MAST4: variants seen among roughly 807,000 people sequenced by gnomAD.
MAST4 encodes microtubule-associated serine/threonine-protein kinase 4.
In MAST4, 89 loss-of-function variants were observed where a neutral mutation model predicts 162.7. That is an observed-to-expected ratio of 0.55 (90% CI 0.46 to 0.65). The LOEUF (loss-of-function observed/expected upper bound fraction) is 0.65, where lower values mean the gene tolerates loss of function less well. Among genes scored for constraint, MAST4 ranks in the 30% least tolerant of loss-of-function variants. The probability of loss-of-function intolerance (pLI) is 0.00; values close to 1 mark genes in which losing one functional copy is unlikely to be tolerated. For missense variants in MAST4, 3,153 were observed against 3,374.0 expected, an observed-to-expected ratio of 0.93 and a Z score of 1.62; for synonymous variants, 1,479 against 1,361.1, an observed-to-expected ratio of 1.09 and a Z score of -1.91.
At chr5:67,049,839 G>A (rs368272175) in intron 4 of MAST4, among the ~76,000 whole-genome samples, 1 of 152,100 alleles carries the variant, frequency 6.6e-6, no homozygotes, top group African/African-American at 2.4e-5. Context: ...AAATTAAGTT[G>A]GATTTCAGCT....
At chr5:66,653,707 C>A (rs549674771) in intron 1 of MAST4, among the ~76,000 whole-genome samples, 90 of 152,300 alleles carry the variant, frequency 5.9e-4, no homozygotes, top group African/African-American at 2.1e-3. Context: ...TCTTCTCCAG[C>A]CCTAATTTAA....
chr5:66,681,278 G>T (rs528593966), intron 1 of MAST4, among the ~76,000 whole-genome samples: 1 of 152,116 alleles, frequency 6.6e-6, no homozygotes, highest in Non-Finnish European at 1.5e-5. Flanking sequence ...TTTGCCTCAG[G>T]CCCTGTAACT....
chr5:66,662,241 A>G (rs1447782984), intron 1 of MAST4: 4 of 151,534 alleles, frequency 2.6e-5, no homozygotes, highest in Non-Finnish European at 4.4e-5. Context: ...CACACACAAC[A>G]CTCTTTGGAC....
intron 18 of MAST4, 35 bp downstream of exon 18, chr5:67,134,723 T>C (rs771866133): frequency 1.3e-6 from 2 of 1,548,226 alleles, no homozygotes; most frequent in Non-Finnish European, 1.8e-6. Context: ...TAGGTCACTG[T>C]TGGGAAGCAG....
intron 1 of MAST4, among the ~76,000 whole-genome samples, chr5:66,684,954 C>T (rs1454216211): frequency 6.6e-6 from 1 of 152,030 alleles, no homozygotes; most frequent in Non-Finnish European, 1.5e-5. Context: ...TGGGGTTGGG[C>T]ATGAGTATTT....
chr5:66,870,875 G>C (rs1300788648), intron 3 of MAST4: 1 of 471,248 alleles, frequency 2.1e-6, no homozygotes, highest in Non-Finnish European at 4.4e-6. Flanking sequence ...TGTTGCCCTG[G>C]GCAACGGGTG....
rs200305893 is a variant in MAST4, at chr5:66,759,800, A to C, written c.455A>C (p.Lys152Thr). Reference sequence around the variant, plus strand: ...GGCCCTGGAAAATCACTGAAGTATAAAAGACAGCTGAGTGAGGATGGAAGA... The same window carrying C: ...GGCCCTGGAAAATCACTGAAGTATACAAGACAGCTGAGTGAGGATGGAAGA... Reference protein sequence around the residue: ...ASGPGKSLKYKRQLSEDGRQL... With the variant: ...ASGPGKSLKYTRQLSEDGRQL... The change falls in exon 2 of 29, where the codon AAA (lysine) becomes ACA (threonine). Residue 152 changes from lysine (K) to threonine (T), a missense_variant. By Grantham distance (78) the Lys-to-Thr change is moderately conservative. Transcript: ENST00000403625. 86 of 1,613,824 alleles carry C rather than the reference A, an allele frequency of 5.3e-5. 1 individual carries two copies. The African/African-American group carries it at 1.1e-3, about 21-fold the overall frequency.
chr5:66,687,595 T>C (rs1748759615), intron 1 of MAST4, among the ~76,000 whole-genome samples: 1 of 150,754 alleles, frequency 6.6e-6, no homozygotes. Context: ...TATATATACA[T>C]ACATATATAC....
chr5:67,014,265 T>C (rs946752644), intron 4 of MAST4, among the ~76,000 whole-genome samples: 1 of 152,208 alleles, frequency 6.6e-6, no homozygotes, highest in Non-Finnish European at 1.5e-5. Context: ...AAACAATTGA[T>C]AGGCACATCA....
At chr5:66,833,135 A>C (rs866310861) in intron 3 of MAST4, among the ~76,000 whole-genome samples, 11 of 152,320 alleles carry the variant, frequency 7.2e-5, no homozygotes, top group Middle Eastern at 3.4e-3. Context: ...AAAATAAACA[A>C]ATTTGTTTAC....
chr5:66,681,044 T>C (rs1457441354), intron 1 of MAST4, among the ~76,000 whole-genome samples: 2 of 152,212 alleles, frequency 1.3e-5, no homozygotes, highest in African/African-American at 4.8e-5. Flanking sequence ...ATTAACAATA[T>C]GATACCACTC....
intron 3 of MAST4, among the ~76,000 whole-genome samples, chr5:66,841,433 A>G (rs544470983): frequency 1.3e-5 from 2 of 152,314 alleles, no homozygotes; most frequent in Admixed American, 1.3e-4. Context: ...TGCTCTAACA[A>G]AATGGCATAG....
chr5:66,948,900 A>G (rs547177473), intron 4 of MAST4, among the ~76,000 whole-genome samples: 1 of 152,260 alleles, frequency 6.6e-6, no homozygotes, highest in South Asian at 2.1e-4. Context: ...GACTATAAAG[A>G]TGTGTGACTC....
intron 4 of MAST4, among the ~76,000 whole-genome samples, chr5:66,995,544 C>T (rs1475440773): frequency 2.6e-5 from 4 of 151,936 alleles, no homozygotes; most frequent in African/African-American, 4.8e-5. Context: ...CTGGGACTAT[C>T]GGCACCCGCC....
intron 4 of MAST4, among the ~76,000 whole-genome samples, chr5:66,920,068 C>G (rs1189225772): frequency 6.6e-6 from 1 of 151,136 alleles, no homozygotes; most frequent in East Asian, 2.0e-4. Flanking sequence ...GAGGTAACTT[C>G]TGCTGGCTAG....
At chr5:66,853,880 A>G (rs905099350) in intron 3 of MAST4, among the ~76,000 whole-genome samples, 1 of 152,194 alleles carries the variant, frequency 6.6e-6, no homozygotes, top group African/African-American at 2.4e-5. Context: ...CATTTAATTT[A>G]GCAAAGCTAT....
At chr5:66,797,525 A>G (rs769374) in intron 3 of MAST4, among the ~76,000 whole-genome samples, 5,941 of 152,298 alleles carry the variant, frequency 0.039, 176 homozygotes, top group South Asian at 0.13. Flanking sequence ...TTAATTGGCT[A>G]TTAATGGATT....
At chr5:66,837,892 ATATTTTTTTTTTTTTTTTTTT>A (rs1442400203) in intron 3 of MAST4, among the ~76,000 whole-genome samples, 2 of 35,028 alleles carry the variant, frequency 5.7e-5, no homozygotes, top group Non-Finnish European at 9.4e-5. Flanking sequence ...ATATATATAT[ATATTTTTTTTTTTTTTTTTTT>A]TTTTAATGTG....
chr5:67,166,424 T>C lies in MAST4; in HGVS notation c.7245T>C (p.Pro2415=). 6.2e-7 allele frequency: 1 copy of C among 1,606,806 alleles called. No individual in the cohort carries two copies. Among genetic ancestry groups the C allele is most frequent in the Non-Finnish European group, 8.5e-7 (1 of 1,176,648 alleles). Residue 2415 remains proline (P), a synonymous_variant, in exon 29 of 29, where the codon CCT becomes CCC. Transcript: ENST00000403625. The part of the protein sequence containing the change: ...RPAAGVGKGF[P]EARGKGPGPQ... ...CCGCGGGGGTGGGGAAGGGCTTCCC[T>C]GAGGCCAGAGGGAAAGGGCCCGGTC...
Sources: allele counts gnomAD v4.1 joint callset (sites outside exome capture counted in the v4.1 genomes callset), GRCh38; gene constraint gnomAD v4.1.1; transcripts MANE v1.5; gene names NCBI Gene and HGNC (gene_info 2026-07-23, HGNC 2026-07-21).